TNFSF4: variants seen among roughly 807,000 people sequenced by gnomAD.
TNFSF4 encodes TNF superfamily member 4, also known as tumor necrosis factor ligand superfamily member 4.
TNFSF4 carries 4 observed loss-of-function variants against 7.3 expected under a neutral mutation model. The observed-to-expected ratio is 0.55, with a 90% CI of 0.27 to 1.25. The LOEUF is 1.25. Ranked by LOEUF, TNFSF4 falls within the 50% of genes most tolerant of loss-of-function variation. The pLI is 0.12. For missense variants in TNFSF4, 181 were observed against 208.8 expected, an observed-to-expected ratio of 0.87 and a Z score of 0.82; for synonymous variants, 76 against 83.7, an observed-to-expected ratio of 0.91 and a Z score of 0.50.
chr1:173,223,996 C>G, the TNFSF4 span, among the ~76,000 whole-genome samples: 1 of 152,182 alleles, frequency 6.6e-6, no homozygotes, highest in South Asian at 2.1e-4. Flanking sequence ...AGGACATGCT[C>G]TAGCCCAAAG....
the TNFSF4 span, among the ~76,000 whole-genome samples, chr1:173,232,392 T>C: frequency 1.3e-5 from 2 of 152,334 alleles, no homozygotes; most frequent in East Asian, 1.9e-4. Flanking sequence ...ATTTTCTAAA[T>C]ATACAATCAT....
At chr1:173,344,569 A>G in the TNFSF4 span, among the ~76,000 whole-genome samples, 1 of 152,230 alleles carries the variant, frequency 6.6e-6, no homozygotes, top group African/African-American at 2.4e-5. Flanking sequence ...AAAGTTCAGC[A>G]AGTGGCAAGA....
chr1:173,181,020 G>A (rs1209214232), downstream of TNFSF4, among the ~76,000 whole-genome samples: 1 of 152,170 alleles, frequency 6.6e-6, no homozygotes, highest in East Asian at 1.9e-4. Context: ...AATAGTAAGT[G>A]AGATTTTCAT....
intron 2 of TNFSF4, 73 bp downstream of exon 2, chr1:173,188,429 AAGAAGAGATCTTGTGTTCT>A: frequency 9.8e-7 from 1 of 1,022,020 alleles, no homozygotes; most frequent in Non-Finnish European, 1.5e-6. Flanking sequence ...CCCTTAGGAA[AAGAAGAGATCTTGTGTTCT>A]AGAGGAAATT....
At chr1:173,425,253 A>C in the TNFSF4 span, among the ~76,000 whole-genome samples, 5 of 152,206 alleles carry the variant, frequency 3.3e-5, no homozygotes, top group African/African-American at 1.2e-4. Flanking sequence ...TTGAAGGTTA[A>C]GGGTATTACT....
At chr1:173,279,640 A>G in the TNFSF4 span, among the ~76,000 whole-genome samples, 1 of 152,088 alleles carries the variant, frequency 6.6e-6, no homozygotes, top group South Asian at 2.1e-4. Context: ...GCCAACTTGT[A>G]TTCAAGTCAG....
chr1:173,328,567 C>CAA, the TNFSF4 span, among the ~76,000 whole-genome samples: 1 of 139,020 alleles, frequency 7.2e-6, no homozygotes. Flanking sequence ...TACCCCCCCC[C>CAA]AAAAAAAAAA....
chr1:173,385,979 G>C, the TNFSF4 span, among the ~76,000 whole-genome samples: 1 of 152,246 alleles, frequency 6.6e-6, no homozygotes, highest in Admixed American at 6.5e-5. Context: ...GTCACCGTTT[G>C]ATAAGGATAT....
At chr1:173,377,277 G>A in the TNFSF4 span, among the ~76,000 whole-genome samples, 39 of 152,148 alleles carry the variant, frequency 2.6e-4, no homozygotes, top group Non-Finnish European at 3.8e-4. Flanking sequence ...GCTAAATACC[G>A]GGCACCTGTT....
At chr1:173,380,673 T>C in the TNFSF4 span, among the ~76,000 whole-genome samples, 1 of 152,008 alleles carries the variant, frequency 6.6e-6, no homozygotes, top group African/African-American at 2.4e-5. Context: ...TCAATCACTC[T>C]CTCGAATGGT....
the TNFSF4 span, among the ~76,000 whole-genome samples, chr1:173,219,643 TCAA>T: frequency 6.7e-6 from 1 of 149,878 alleles, no homozygotes; most frequent in African/African-American, 2.5e-5. Context: ...TGCCCATCAA[TCAA>T]CAAGTGGATA....
the TNFSF4 span, among the ~76,000 whole-genome samples, chr1:173,262,671 C>A: frequency 7.0e-6 from 1 of 142,440 alleles, no homozygotes; most frequent in South Asian, 2.2e-4. Context: ...GGCGCAATCT[C>A]GGCTCACTGC....
At chr1:173,395,209 G>T in the TNFSF4 span, among the ~76,000 whole-genome samples, 1 of 150,886 alleles carries the variant, frequency 6.6e-6, no homozygotes. Flanking sequence ...TCTGGAATTG[G>T]CTCCCTAATT....
the TNFSF4 span, among the ~76,000 whole-genome samples, chr1:173,239,435 A>G: frequency 6.3e-4 from 96 of 152,320 alleles, no homozygotes; most frequent in African/African-American, 2.2e-3. Flanking sequence ...CTCAACTGAA[A>G]TCATCTGTCC....
chr1:173,264,194 A>C, the TNFSF4 span, among the ~76,000 whole-genome samples: 3 of 152,096 alleles, frequency 2.0e-5, no homozygotes, highest in Non-Finnish European at 4.4e-5. Flanking sequence ...CCCAGGCTGA[A>C]GTACAATGGC....
chr1:173,449,248 C>T, the TNFSF4 span, among the ~76,000 whole-genome samples: 2 of 152,196 alleles, frequency 1.3e-5, no homozygotes, highest in African/African-American at 4.8e-5. Flanking sequence ...GAAGCTGATG[C>T]CAGAGCTGTT....
At chr1:173,345,979 C>T in the TNFSF4 span, among the ~76,000 whole-genome samples, 3 of 152,148 alleles carry the variant, frequency 2.0e-5, no homozygotes, top group South Asian at 2.1e-4. Flanking sequence ...ACCCTGAGGG[C>T]AGGGCCAGGG....
chr1:173,313,159 C>G, the TNFSF4 span, among the ~76,000 whole-genome samples: 1 of 152,038 alleles, frequency 6.6e-6, no homozygotes, highest in African/African-American at 2.4e-5. Flanking sequence ...AGAAAAGGGT[C>G]CCCCCTACAT....
At chr1:173,387,192 G>T in the TNFSF4 span, among the ~76,000 whole-genome samples, 1 of 152,312 alleles carries the variant, frequency 6.6e-6, no homozygotes, top group South Asian at 2.1e-4. Context: ...GCAATGAAAT[G>T]CTGTGATTTG....
Sources: allele counts gnomAD v4.1 joint callset (sites outside exome capture counted in the v4.1 genomes callset), GRCh38; gene constraint gnomAD v4.1.1; transcripts MANE v1.5; gene names NCBI Gene and HGNC (gene_info 2026-07-23, HGNC 2026-07-21).